TEX26: variants seen among roughly 807,000 people sequenced by gnomAD.
TEX26 encodes the protein testis expressed 26.
Under a neutral mutation model 35.3 loss-of-function variants are expected in TEX26, and 34 were observed. The observed-to-expected ratio is 0.96, with a 90% CI of 0.73 to 1.28. The LOEUF is 1.28. Among genes scored for constraint, TEX26 ranks in the 50% most tolerant of loss-of-function variants. The pLI is 0.00. For missense variants in TEX26, 371 were observed against 330.1 expected, an observed-to-expected ratio of 1.12 and a Z score of -0.96; for synonymous variants, 136 against 111.8, an observed-to-expected ratio of 1.22 and a Z score of -1.36.
chr13:30,975,139 G>GT lies in TEX26; in HGVS notation c.*239dup. On this transcript the variant is annotated 3_prime_UTR_variant, in exon 7 of 7. Transcript: ENST00000380473. ...TGTATCCAATAGTTTTTGATACAAT[G>GT]TTTTTTTCTTTTCCCTTTTGGATAC... 3.2e-6 allele frequency: 1 copy of GT among 311,426 alleles called. No individual in the cohort carries two copies. Among genetic ancestry groups the GT allele is most frequent in the Non-Finnish European group, 5.8e-6 (1 of 171,602 alleles). The allele number at this position is 311,426 out of a possible 1,614,324, so 19.3% of individuals were successfully genotyped here.
At chr13:30,973,264 GA>G (rs2138361589) in intron 6 of TEX26, 1 of 152,314 alleles carries the variant, frequency 6.6e-6, no homozygotes, top group South Asian at 2.1e-4. Flanking sequence ...CTGAATGAAA[GA>G]AGCCAGACAC....
At chr13:30,952,134 A>C (rs959843503) in intron 2 of TEX26, among the ~76,000 whole-genome samples, 2 of 147,692 alleles carry the variant, frequency 1.4e-5, no homozygotes, top group African/African-American at 5.0e-5. Flanking sequence ...CAAGTTTTGC[A>C]TTTTGGCAAA....
At chr13:30,967,571 G>A (rs1593607465) in intron 5 of TEX26, among the ~76,000 whole-genome samples, 1 of 152,138 alleles carries the variant, frequency 6.6e-6, no homozygotes, top group East Asian at 1.9e-4. Flanking sequence ...TCCAGTTAAA[G>A]CATTTCCAGG....
intron 1 of TEX26, chr13:30,933,730 G>C (rs937690049): frequency 3.3e-5 from 5 of 152,164 alleles, no homozygotes; most frequent in Non-Finnish European, 7.3e-5. Context: ...GCAAACAGGA[G>C]AGACAGAGGA....
intron 2 of TEX26, among the ~76,000 whole-genome samples, chr13:30,947,657 T>C (rs1953761784): frequency 1.3e-5 from 2 of 152,186 alleles, no homozygotes; most frequent in Admixed American, 6.5e-5. Flanking sequence ...CTCTTTCACT[T>C]GGAAGCAACT....
chr13:30,946,343 T>C (rs1475994931), intron 2 of TEX26, among the ~76,000 whole-genome samples: 1 of 151,892 alleles, frequency 6.6e-6, no homozygotes, highest in Non-Finnish European at 1.5e-5. Context: ...TTTATTCATA[T>C]CCTGAGTTGT....
chr13:30,955,467 A>C (rs1286458227), intron 3 of TEX26, among the ~76,000 whole-genome samples: 1 of 152,188 alleles, frequency 6.6e-6, no homozygotes, highest in Non-Finnish European at 1.5e-5. Context: ...TGGTTTTTCC[A>C]GTTGATAGAT....
chr13:30,934,649 G>A (rs1256143258), intron 1 of TEX26, among the ~76,000 whole-genome samples: 1 of 152,196 alleles, frequency 6.6e-6, no homozygotes, highest in Non-Finnish European at 1.5e-5. Context: ...CTGCCATCAT[G>A]CTGGCTGCAG....
chr13:30,971,777 G>T (rs1003094496), intron 6 of TEX26, among the ~76,000 whole-genome samples: 2 of 152,034 alleles, frequency 1.3e-5, no homozygotes, highest in African/African-American at 4.8e-5. Context: ...TTACTCATTG[G>T]GCAACTGTTT....
At chr13:30,960,183 C>T (rs1954282693) in intron 4 of TEX26, among the ~76,000 whole-genome samples, 1 of 152,130 alleles carries the variant, frequency 6.6e-6, no homozygotes, top group African/African-American at 2.4e-5. Context: ...CTTTTCTCTC[C>T]TAGCTTCTTT....
intron 2 of TEX26, among the ~76,000 whole-genome samples, chr13:30,949,824 T>G (rs1211626341): frequency 1.3e-5 from 2 of 152,164 alleles, no homozygotes; most frequent in East Asian, 3.9e-4. Context: ...AGAAACAATT[T>G]TATTAATTTC....
chr13:30,947,490 G>GATC (rs1237726714), intron 2 of TEX26, among the ~76,000 whole-genome samples: 1 of 152,092 alleles, frequency 6.6e-6, no homozygotes, highest in Non-Finnish European at 1.5e-5. Flanking sequence ...TTTAATGACT[G>GATC]ATCAGCTGAC....
intron 1 of TEX26, among the ~76,000 whole-genome samples, chr13:30,935,888 C>T (rs1414192218): frequency 2.0e-5 from 3 of 152,266 alleles, no homozygotes; most frequent in Non-Finnish European, 1.5e-5. Context: ...GAAAAATCAA[C>T]ACCCCAGAGA....
chr13:30,968,765 A>T, intron 5 of TEX26, 120 bp from the exon 6 acceptor site: 1 of 876,150 alleles, frequency 1.1e-6, no homozygotes, highest in Non-Finnish European at 1.8e-6. Context: ...ATCATGAAGG[A>T]TGCTGCCTAA....
rs117804159 is a variant in TEX26 at position 30,963,582 on chromosome 13, C to T, written c.470-2640C>T. Among the ~76,000 whole-genome samples the T allele has an allele frequency of 4.5e-4, 68 of 152,284 alleles. 1 individual carries two copies. In the East Asian group the frequency reaches 0.011, roughly 26 times the overall value. ...TCACATAGGCAGTCACTAGAGTGTA[C>T]TTCAGATATTAATTGCTAATCCATA... On this transcript the variant is annotated intron_variant, in intron 4 of 6. Coordinates refer to ENST00000380473, the MANE Select transcript of TEX26 (RefSeq NM_152325.3).
chr13:30,951,305 A>C (rs1953911428), intron 2 of TEX26, among the ~76,000 whole-genome samples: 1 of 151,110 alleles, frequency 6.6e-6, no homozygotes, highest in African/African-American at 2.4e-5. Flanking sequence ...GCAGTGAGCT[A>C]TGATGGTACC....
intron 4 of TEX26, among the ~76,000 whole-genome samples, chr13:30,958,312 T>G (rs1954213290): frequency 2.0e-5 from 3 of 152,260 alleles, no homozygotes; most frequent in Admixed American, 2.0e-4. Flanking sequence ...GGAAATTTAC[T>G]TTATTGAGAA....
At chr13:30,965,786 G>T (rs906289590) in intron 4 of TEX26, among the ~76,000 whole-genome samples, 1 of 152,072 alleles carries the variant, frequency 6.6e-6, no homozygotes, top group South Asian at 2.1e-4. Flanking sequence ...AAGCCTGCCA[G>T]ATTAAGCAAA....
chr13:30,958,288 CT>C (rs1954212136), intron 4 of TEX26, among the ~76,000 whole-genome samples: 1 of 152,204 alleles, frequency 6.6e-6, no homozygotes, highest in Non-Finnish European at 1.5e-5. Context: ...CAATTTTGGT[CT>C]TGCTTATCAG....
Sources: allele counts gnomAD v4.1 joint callset (sites outside exome capture counted in the v4.1 genomes callset), GRCh38; gene constraint gnomAD v4.1.1; transcripts MANE v1.5; gene names NCBI Gene and HGNC (gene_info 2026-07-23, HGNC 2026-07-21).